Variants in BRDT observed in about 807,000 individuals in gnomAD.
BRDT encodes the protein bromodomain testis-specific protein.
BRDT carries 77 observed loss-of-function variants against 113.9 expected under a neutral mutation model. The ratio of observed to expected loss-of-function variants is 0.68; its 90% CI spans 0.56 to 0.82. The LOEUF (loss-of-function observed/expected upper bound fraction) is 0.82, where lower values mean the gene tolerates loss of function less well. Ranked by LOEUF, BRDT falls within the 40% of genes least tolerant of loss-of-function variation. The pLI is 0.00. For synonymous variants in BRDT, 358 were observed against 366.5 expected, an observed-to-expected ratio of 0.98 and a Z score of 0.26; for missense variants, 1,027 against 1,105.4, an observed-to-expected ratio of 0.93 and a Z score of 1.01.
chr1:91,993,773 G>A (rs916712757), intron 14 of BRDT, among the ~76,000 whole-genome samples: 1 of 152,028 alleles, frequency 6.6e-6, no homozygotes, highest in African/African-American at 2.4e-5. Context: ...TAAATGAATA[G>A]CATTGTTTAA....
At chr1:91,971,140 G>T (rs2101622348) in intron 4 of BRDT, among the ~76,000 whole-genome samples, 1 of 152,060 alleles carries the variant, frequency 6.6e-6, no homozygotes, top group South Asian at 2.1e-4. Context: ...TAAGCAACCA[G>T]CTCTTCTGTG....
At chr1:91,966,275 T>C (rs1683055505) in intron 3 of BRDT, among the ~76,000 whole-genome samples, 1 of 152,248 alleles carries the variant, frequency 6.6e-6, no homozygotes, top group African/African-American at 2.4e-5. Flanking sequence ...TAAGTATTTG[T>C]GATTTCGTTT....
intron 12 of BRDT, among the ~76,000 whole-genome samples, chr1:91,984,404 T>C (rs1355717478): frequency 1.3e-5 from 2 of 152,114 alleles, no homozygotes; most frequent in South Asian, 2.1e-4. Flanking sequence ...TCATTAGCAA[T>C]ATCTACTATA....
chr1:91,966,422 C>G (rs150006070), intron 3 of BRDT, among the ~76,000 whole-genome samples: 2 of 152,102 alleles, frequency 1.3e-5, no homozygotes, highest in Non-Finnish European at 2.9e-5. Flanking sequence ...TTGTCTGAGA[C>G]GGACTCACTG....
chr1:91,991,146 TA>T, intron 12 of BRDT, 37 bp from the exon 13 acceptor site: 1 of 1,276,282 alleles, frequency 7.8e-7, no homozygotes, highest in Non-Finnish European at 1.1e-6. Flanking sequence ...TTTTTTAAGC[TA>T]ATAAATATTA....
At chr1:92,006,205 G>A (rs548544883) in intron 18 of BRDT, among the ~76,000 whole-genome samples, 3 of 152,276 alleles carry the variant, frequency 2.0e-5, no homozygotes, top group African/African-American at 7.2e-5. Flanking sequence ...TTTTATTGCT[G>A]TTGGATAGGG....
At chr1:91,974,238 G>A (rs1683900729) in intron 4 of BRDT, among the ~76,000 whole-genome samples, 1 of 152,192 alleles carries the variant, frequency 6.6e-6, no homozygotes, top group Non-Finnish European at 1.5e-5. Flanking sequence ...AGGACTTCAT[G>A]TCTAAAACAC....
intron 18 of BRDT, among the ~76,000 whole-genome samples, chr1:92,009,595 G>A (rs1687624671): frequency 8.1e-6 from 1 of 123,828 alleles, no homozygotes; most frequent in South Asian, 2.8e-4. Context: ...TGTTGCCCAG[G>A]CTGGAGTGCA....
chr1:91,989,189 A>G (rs1326174996), intron 12 of BRDT, among the ~76,000 whole-genome samples: 2 of 122,820 alleles, frequency 1.6e-5, no homozygotes, highest in Middle Eastern at 3.8e-3. Context: ...TTAGTAGAAC[A>G]CCAATCTGGT....
At chr1:91,985,248 G>A (rs1341378511) in intron 12 of BRDT, among the ~76,000 whole-genome samples, 3 of 151,798 alleles carry the variant, frequency 2.0e-5, no homozygotes, top group African/African-American at 7.2e-5. Context: ...TTTTAGTAGA[G>A]ACGGGGTTTC....
intron 4 of BRDT, among the ~76,000 whole-genome samples, chr1:91,974,084 T>C (rs1052941769): frequency 4.6e-5 from 7 of 152,346 alleles, no homozygotes; most frequent in Middle Eastern, 6.8e-3. Context: ...GCTAGCCATA[T>C]GTAGAAAGCT....
chr1:91,984,815 G>C (rs1426024665), intron 12 of BRDT, among the ~76,000 whole-genome samples: 1 of 151,808 alleles, frequency 6.6e-6, no homozygotes, highest in Non-Finnish European at 1.5e-5. Context: ...TACTTTTTTT[G>C]ACAAAAATGT....
rs1259140624 is a variant in BRDT at position 91,949,496 on chromosome 1, T to G, written c.-224T>G. The G allele has an allele frequency of 6.6e-6, 1 of 152,252 alleles. No homozygotes were observed. The highest frequency in any genetic ancestry group is 1.5e-5 in the Non-Finnish European group (1 of 68,066). 9.4% of individuals were successfully genotyped at this position (152,252 alleles called of 1,614,324 possible). ...AAGGGGCAATCACATAAGGTCGGTT[T>G]TGTAATATACAGGTAACATACAGGT... On this transcript the variant is annotated 5_prime_UTR_variant, in exon 1 of 19. Transcript: ENST00000399546.
Position 91,976,289 on chromosome 1 carries a change from T to G in BRDT, c.469T>G (p.Ser157Ala). 1 of 1,610,114 alleles carries G rather than the reference T, an allele frequency of 6.2e-7. No homozygotes were observed. The highest frequency in any genetic ancestry group is 1.1e-5 in the South Asian group (1 of 90,022). The change falls in exon 5 of 19, where the codon TCT becomes GCT. Residue 157 changes from serine (S) to alanine (A), a missense_variant. By Grantham distance (99) the Ser-to-Ala change is moderately conservative. Transcript: ENST00000399546. ...AGGCACTCAACAGAATATAGCTGTT[T>G]CTTCTGCTAAAGAAAAATCATCACC... is the stretch of plus-strand genomic sequence containing the variant. ...KKGTQQNIAV[S>A]SAKEKSSPSA...
chr1:91,981,241 C>T (rs1207271313), intron 10 of BRDT, 27 bp from the exon 11 acceptor site: 1 of 1,610,336 alleles, frequency 6.2e-7, no homozygotes, highest in Non-Finnish European at 8.5e-7. Context: ...TGGTTATACT[C>T]ACTTTCTTCC....
chr1:91,980,554 ATT>A, intron 8 of BRDT, 87 bp from the exon 9 acceptor site: 3 of 1,116,682 alleles, frequency 2.7e-6, no homozygotes, highest in East Asian at 2.7e-5. Flanking sequence ...CACAAAAGAC[ATT>A]CTTGACTTTG....
intron 12 of BRDT, among the ~76,000 whole-genome samples, chr1:91,985,249 A>G (rs1223838049): frequency 6.6e-6 from 1 of 151,708 alleles, no homozygotes; most frequent in Non-Finnish European, 1.5e-5. Context: ...TTTAGTAGAG[A>G]CGGGGTTTCA....
rs1259315896 is a variant in BRDT at position 92,002,083 on chromosome 1, G to A, written c.2322G>A (p.Val774=). The change falls in exon 16 of 19, where the codon GTG becomes GTA. Residue 774 remains valine, a synonymous_variant. Transcript: ENST00000399546. ...DSEQLSNGIT[V]MHPSGDSDTT... ...AACAGCTCTCAAATGGCATAACTGT[G>A]ATGCATCCATCTGGTGATAGTGACA... 2.2e-5 allele frequency: 36 copies of A among 1,613,820 alleles called. No homozygotes were observed. The highest frequency in any genetic ancestry group is 3.1e-5 in the Non-Finnish European group (36 of 1,179,886).
intron 1 of BRDT, among the ~76,000 whole-genome samples, chr1:91,957,836 T>C (rs1681960394): frequency 6.6e-6 from 1 of 151,998 alleles, no homozygotes; most frequent in African/African-American, 2.4e-5. Flanking sequence ...TGTTTTTTTG[T>C]TGTTTTTTGT....
Sources: allele counts gnomAD v4.1 joint callset (sites outside exome capture counted in the v4.1 genomes callset), GRCh38; gene constraint gnomAD v4.1.1; transcripts MANE v1.5; gene names NCBI Gene and HGNC (gene_info 2026-07-23, HGNC 2026-07-21).